Variants in VAV2 observed in about 807,000 individuals in gnomAD.
VAV2 encodes vav guanine nucleotide exchange factor 2.
A neutral mutation model predicts 132.5 loss-of-function variants in VAV2; 67 were observed. That is an observed-to-expected ratio of 0.51 (90% CI 0.42 to 0.62). The LOEUF (loss-of-function observed/expected upper bound fraction) is 0.62, where lower values mean the gene tolerates loss of function less well. VAV2 is among the 20% of genes least tolerant of loss of function. The probability of loss-of-function intolerance (pLI) is 0.00; values close to 1 mark genes in which losing one functional copy is unlikely to be tolerated. For missense variants in VAV2, 938 were observed against 1,153.6 expected, an observed-to-expected ratio of 0.81 and a Z score of 2.71; for synonymous variants, 492 against 443.5, an observed-to-expected ratio of 1.11 and a Z score of -1.37.
intron 1 of VAV2, among the ~76,000 whole-genome samples, chr9:133,968,661 A>G (rs1842226552): frequency 6.6e-6 from 1 of 151,988 alleles, no homozygotes; most frequent in Non-Finnish European, 1.5e-5. Context: ...CCACACACTG[A>G]CCCATCACAG....
intron 3 of VAV2, among the ~76,000 whole-genome samples, chr9:133,837,500 C>T (rs1407967485): frequency 6.6e-6 from 1 of 152,088 alleles, no homozygotes; most frequent in Non-Finnish European, 1.5e-5. Context: ...AGTTCGAGAC[C>T]AACCTGACCA....
At chr9:133,891,874 A>G (rs574514198) in intron 2 of VAV2, among the ~76,000 whole-genome samples, 45 of 86,300 alleles carry the variant, frequency 5.2e-4, no homozygotes, top group African/African-American at 2.0e-3. Context: ...GAGGGGAGGC[A>G]TGGGGATGGA....
rs866269732 is a variant in VAV2 at position 133,969,535 on chromosome 9, C to T, written c.204+22540G>A. Reference sequence around the variant, plus strand: ...ACCTCAGGGGTGGAGCTGAAACACCCCAACCCTGACCAGAGCGGATTCCAG... The same window carrying T: ...ACCTCAGGGGTGGAGCTGAAACACCTCAACCCTGACCAGAGCGGATTCCAG... On this transcript the variant is annotated intron_variant, in intron 1 of 29. Transcript: ENST00000371850. The surrounding 1 kb of genome is among the most constrained non-coding windows in gnomAD (Gnocchi z 5.1). Among the ~76,000 whole-genome samples the T allele has an allele frequency of 6.6e-6, 1 of 152,050 alleles. No homozygotes were observed. Among genetic ancestry groups the T allele is most frequent in the Non-Finnish European group, 1.5e-5 (1 of 67,998 alleles).
Position 133,968,246 on chromosome 9 carries a change from G to C in VAV2, c.204+23829C>G, listed in dbSNP as rs537480238. ...AAATGCCACATGTTTGGGATCATGG[G>C]CATCCTAATGACCCTCATTTCATCA... On this transcript the variant is annotated intron_variant, in intron 1 of 29. Transcript: ENST00000371850. Among the ~76,000 whole-genome samples, 3 of 152,070 alleles carry C rather than the reference G, an allele frequency of 2.0e-5. No individual in the cohort carries two copies. The South Asian group carries it at 6.2e-4, about 32-fold the overall frequency.
chr9:133,964,694 C>T (rs930251519), intron 1 of VAV2, among the ~76,000 whole-genome samples: 6 of 152,132 alleles, frequency 3.9e-5, no homozygotes, highest in Non-Finnish European at 7.4e-5. Context: ...CATGATATAT[C>T]ACATCAACAG....
intron 4 of VAV2, among the ~76,000 whole-genome samples, chr9:133,831,837 G>A (rs2131773574): frequency 1.3e-5 from 2 of 152,342 alleles, no homozygotes; most frequent in South Asian, 4.1e-4. Context: ...TGTGTGGTGG[G>A]GGGCTAGGGT....
At chr9:133,868,433 G>A (rs1000657155) in intron 2 of VAV2, among the ~76,000 whole-genome samples, 2 of 152,180 alleles carry the variant, frequency 1.3e-5, no homozygotes, top group South Asian at 2.1e-4. Flanking sequence ...CCTGAGGCTC[G>A]GTTGGCTCAT....
intron 23 of VAV2, 34 bp downstream of exon 23, chr9:133,777,355 C>T (rs781516977): frequency 9.3e-6 from 15 of 1,610,060 alleles, no homozygotes; most frequent in Admixed American, 1.7e-5. Flanking sequence ...CCCAGGCCAC[C>T]GTGCTCCAGA....
chr9:133,787,652 T>G (rs1027956538), intron 15 of VAV2, among the ~76,000 whole-genome samples: 2 of 120,982 alleles, frequency 1.7e-5, no homozygotes, highest in Non-Finnish European at 3.2e-5. Flanking sequence ...GCTGCTCAAG[T>G]GCCATGGGCA....
chr9:133,815,563 G>T (rs879631101), intron 4 of VAV2, among the ~76,000 whole-genome samples: 1 of 152,126 alleles, frequency 6.6e-6, no homozygotes, highest in Non-Finnish European at 1.5e-5. Flanking sequence ...TTGTTTTTGT[G>T]CCTGGCTTCT....
chr9:133,769,532 C>T lies in VAV2; in HGVS notation c.2348-29G>A, dbSNP rs751630574. On this transcript the variant is annotated intron_variant, in intron 27 of 29. Transcript: ENST00000371850. This position sits in a 1 kb window ranked among gnomAD's most constrained non-coding sequence, Gnocchi z 8.1. ...CAAAGAGGCGAGAGAGAACGTGAGG[C>T]GGGCAGCAGGGCATCCACGCACAGT... 1.9e-5 allele frequency: 31 copies of T among 1,596,094 alleles called. No homozygotes were observed. The highest frequency in any genetic ancestry group is 1.7e-4 in the Middle Eastern group (1 of 6,052).
rs61265222 is a variant in VAV2, at chr9:133,836,147, T to G, written c.381-1807A>C. On this transcript the variant is annotated intron_variant, in intron 3 of 29. Coordinates refer to ENST00000371850, the MANE Select transcript of VAV2 (RefSeq NM_001134398.2). ...TCCTCCCATGATATGCAGAGCCCCA[T>G]GCCGACACAGATCCCGCCCAGGTGA... Among the ~76,000 whole-genome samples the G allele has an allele frequency of 3.5e-3, 535 of 152,294 alleles. 4 individuals carry two copies. Among genetic ancestry groups the G allele is most frequent in the African/African-American group, 0.012 (511 of 41,568 alleles).
intron 1 of VAV2, among the ~76,000 whole-genome samples, chr9:133,978,614 T>C (rs1298694683): frequency 6.6e-6 from 1 of 152,244 alleles, no homozygotes; most frequent in Non-Finnish European, 1.5e-5. Context: ...TGATTTGTCT[T>C]CATCCTTACA....
At chr9:133,954,095 G>A (rs897279023) in intron 1 of VAV2, among the ~76,000 whole-genome samples, 3 of 152,178 alleles carry the variant, frequency 2.0e-5, no homozygotes, top group South Asian at 2.1e-4. Flanking sequence ...AAACACGGCC[G>A]AAACCGTCAC....
chr9:133,777,489 A>T, intron 22 of VAV2, 26 bp from the exon 23 acceptor site: 1 of 1,611,504 alleles, frequency 6.2e-7, no homozygotes, highest in South Asian at 1.1e-5. Context: ...GATGGTTAGG[A>T]CAAGGGGGCC....
At chr9:133,980,863 G>A (rs1303757677) in intron 1 of VAV2, among the ~76,000 whole-genome samples, 10 of 151,938 alleles carry the variant, frequency 6.6e-5, no homozygotes, top group African/African-American at 2.4e-4. Flanking sequence ...CCAGTCTGTG[G>A]CCACACAGAG....
intron 1 of VAV2, among the ~76,000 whole-genome samples, chr9:133,982,106 TC>T (rs540506547): frequency 6.6e-6 from 1 of 152,074 alleles, no homozygotes; most frequent in Non-Finnish European, 1.5e-5. Flanking sequence ...AGGAAAGGCT[TC>T]CCAGGACAGG....
intron 3 of VAV2, among the ~76,000 whole-genome samples, chr9:133,858,068 A>G (rs1837451848): frequency 6.6e-6 from 1 of 152,208 alleles, no homozygotes; most frequent in Admixed American, 6.5e-5. Flanking sequence ...ACCCCTCCAC[A>G]TGCCGAAGAC....
At chr9:133,827,021 C>A (rs557536546) in intron 4 of VAV2, among the ~76,000 whole-genome samples, 1 of 152,176 alleles carries the variant, frequency 6.6e-6, no homozygotes, top group Non-Finnish European at 1.5e-5. Flanking sequence ...CAGACTGCAG[C>A]GGACCACGCC....
Sources: allele counts gnomAD v4.1 joint callset (sites outside exome capture counted in the v4.1 genomes callset), GRCh38; gene constraint gnomAD v4.1.1; non-coding constraint Gnocchi (gnomAD v3.1); transcripts MANE v1.5; gene names NCBI Gene and HGNC (gene_info 2026-07-23, HGNC 2026-07-21).